CNTNAP3B: variants seen among roughly 807,000 people sequenced by gnomAD.
CNTNAP3B encodes the protein contactin associated protein family member 3B, also known as contactin-associated protein-like 3B.
In CNTNAP3B, 25 loss-of-function variants were observed where a neutral mutation model predicts 108.9. The observed-to-expected ratio is 0.23, with a 90% CI of 0.17 to 0.32. The LOEUF (loss-of-function observed/expected upper bound fraction) is 0.32, where lower values mean the gene tolerates loss of function less well. Ranked by LOEUF, CNTNAP3B falls within the 10% of genes least tolerant of loss-of-function variation. The probability of loss-of-function intolerance (pLI) is 1.00; values close to 1 mark genes in which losing one functional copy is unlikely to be tolerated. For synonymous variants in CNTNAP3B, 103 were observed against 473.4 expected (o/e 0.22, Z 10.16); for missense variants, 252 against 1,210.4 (o/e 0.21, Z 11.75).
chr9:41,958,652 A>T lies in CNTNAP3B; in HGVS notation c.1876+2121T>A, dbSNP rs530412643. 1.2e-4 allele frequency among the ~76,000 whole-genome samples: 18 copies of T among 152,016 alleles called. No homozygotes were observed. The South Asian group carries it at 3.1e-3, about 26-fold the overall frequency. On this transcript the variant is annotated intron_variant, in intron 12 of 23. Coordinates refer to ENST00000377561, the MANE Select transcript of CNTNAP3B (RefSeq NM_001201380.3). ...CATCACCACCCTTACATGGGACAGG[A>T]TGGCCAGAGGTGGGTAATTTCCTTC...
chr9:42,044,651 T>C (rs1337837413), intron 3 of CNTNAP3B, among the ~76,000 whole-genome samples: 2 of 146,250 alleles, frequency 1.4e-5, no homozygotes, highest in African/African-American at 5.2e-5. Flanking sequence ...GAAATTCAGA[T>C]CGGTGAATGG....
intron 14 of CNTNAP3B, among the ~76,000 whole-genome samples, chr9:41,934,198 T>TATATACAC (rs1418666527): frequency 2.6e-5 from 3 of 116,674 alleles, no homozygotes; most frequent in Admixed American, 9.3e-5. Flanking sequence ...CATATATATA[T>TATATACAC]ACATACACAC....
chr9:41,968,011 C>T (rs1360811450), intron 10 of CNTNAP3B, among the ~76,000 whole-genome samples: 1 of 152,218 alleles, frequency 6.6e-6, no homozygotes, highest in Non-Finnish European at 1.5e-5. Context: ...AAGTTAGGCA[C>T]CAATGTAACT....
At chr9:41,916,369 A>G (rs1823517227) in intron 18 of CNTNAP3B, among the ~76,000 whole-genome samples, 1 of 148,418 alleles carries the variant, frequency 6.7e-6, no homozygotes, top group African/African-American at 2.5e-5. Context: ...GGTAAGAAAT[A>G]TGACATTATA....
intron 13 of CNTNAP3B, among the ~76,000 whole-genome samples, chr9:41,940,571 G>A (rs1352688837): frequency 6.6e-6 from 1 of 152,282 alleles, no homozygotes; most frequent in Non-Finnish European, 1.5e-5. Flanking sequence ...TGTAATCCCA[G>A]CACTTTCGGA....
chr9:42,120,147 C>T (rs1475390921), intron 1 of CNTNAP3B, among the ~76,000 whole-genome samples: 3 of 148,794 alleles, frequency 2.0e-5, no homozygotes, highest in Admixed American at 6.7e-5. Context: ...ACAACAATCC[C>T]ATCAAAAAGT....
At chr9:41,931,946 A>T (rs1189686509) in intron 14 of CNTNAP3B, among the ~76,000 whole-genome samples, 1 of 152,068 alleles carries the variant, frequency 6.6e-6, no homozygotes. Context: ...GTGTAAATGA[A>T]ATCCACATTT....
In CNTNAP3B at chr9:42,109,883, A is replaced by G. The variant is rs186469227; in HGVS notation, c.86-5144T>C. The stretch of plus-strand genomic sequence containing the variant: ...TGCCCTTGTAAGAGAGATAAAGGTG[A>G]TGATGAACAGAGCCCCATACAAAAG... On this transcript the variant is annotated intron_variant, in intron 1 of 23. Transcript: ENST00000377561. Among the ~76,000 whole-genome samples the G allele has an allele frequency of 7.8e-3, 1,073 of 136,762 alleles. 9 individuals are homozygous for G. Among genetic ancestry groups the G allele is most frequent in the Non-Finnish European group, 0.013 (824 of 64,198 alleles). The allele number at this position is 136,762 out of a possible 152,430, so 89.7% of individuals were successfully genotyped here. A position where few individuals can be genotyped will look rare whatever the true frequency, so the allele number is the denominator to read the frequency against.
At chr9:42,018,752 A>C (rs1404009191) in intron 3 of CNTNAP3B, among the ~76,000 whole-genome samples, 1 of 151,738 alleles carries the variant, frequency 6.6e-6, no homozygotes, top group Non-Finnish European at 1.5e-5. Context: ...GCGAAGCTGG[A>C]GAGACCTGGG....
At chr9:41,961,742 C>T (rs1208030398) in intron 11 of CNTNAP3B, among the ~76,000 whole-genome samples, 3 of 152,298 alleles carry the variant, frequency 2.0e-5, no homozygotes, top group African/African-American at 7.2e-5. Context: ...TTCAAGACAG[C>T]TGAAATTCAA....
rs935398817 is a variant in CNTNAP3B at position 42,113,076 on chromosome 9, T to A, written c.86-8337A>T. On this transcript the variant is annotated intron_variant, in intron 1 of 23. Transcript: ENST00000377561. ...GGTCAAGTTTACATAAATTTAAGCA[T>A]CTTAGTTTGACGATCTACTCTACAG... Among the ~76,000 whole-genome samples the A allele has an allele frequency of 2.2e-5, 3 of 135,648 alleles. 1 individual carries two copies. The highest frequency in any genetic ancestry group is 8.9e-5 in the African/African-American group (3 of 33,770). The allele number at this position is 135,648 out of a possible 152,430, so 89.0% of individuals were successfully genotyped here. A position where few individuals can be genotyped will look rare whatever the true frequency, so the allele number is the denominator to read the frequency against.
At chr9:41,940,547 C>T (rs1207272575) in intron 13 of CNTNAP3B, among the ~76,000 whole-genome samples, 3 of 152,184 alleles carry the variant, frequency 2.0e-5, no homozygotes, top group African/African-American at 4.8e-5. Flanking sequence ...AGGCCGGGTG[C>T]GGTGGCTCAC....
intron 14 of CNTNAP3B, among the ~76,000 whole-genome samples, chr9:41,935,441 T>A (rs1452817674): frequency 6.6e-6 from 1 of 152,298 alleles, no homozygotes; most frequent in African/African-American, 2.4e-5. Flanking sequence ...TAAGCACACC[T>A]CAGTAATAGA....
chr9:42,124,157 T>C, intron 1 of CNTNAP3B, among the ~76,000 whole-genome samples: 1 of 138,026 alleles, frequency 7.2e-6, no homozygotes, highest in Non-Finnish European at 1.5e-5. Flanking sequence ...AAAACTATTT[T>C]AAAATCTCAA....
intron 10 of CNTNAP3B, among the ~76,000 whole-genome samples, chr9:41,968,912 T>A (rs1221950948): frequency 9.9e-5 from 15 of 152,194 alleles, no homozygotes; most frequent in African/African-American, 3.1e-4. Context: ...TTCTCCTGCC[T>A]CAGCCTGCCG....
intron 1 of CNTNAP3B, among the ~76,000 whole-genome samples, chr9:42,110,494 CTG>C (rs1213550854): frequency 7.6e-6 from 1 of 131,354 alleles, no homozygotes; most frequent in Non-Finnish European, 1.6e-5. Context: ...CAGATGGTTA[CTG>C]TGTTATCACA....
intron 3 of CNTNAP3B, among the ~76,000 whole-genome samples, chr9:42,075,227 C>T (rs1342918717): frequency 2.7e-4 from 40 of 146,658 alleles, no homozygotes; most frequent in Non-Finnish European, 5.2e-4. Flanking sequence ...CTCCTGACTA[C>T]ATTTTAACTT....
intron 17 of CNTNAP3B, among the ~76,000 whole-genome samples, chr9:41,920,784 TTGGA>T (rs1823645724): frequency 6.6e-6 from 1 of 152,310 alleles, no homozygotes; most frequent in South Asian, 2.1e-4. Context: ...AATTTCTTAC[TTGGA>T]TGGACTCTAA....
chr9:41,939,239 C>G (rs1489307932), intron 13 of CNTNAP3B, among the ~76,000 whole-genome samples: 1 of 152,274 alleles, frequency 6.6e-6, no homozygotes, highest in Admixed American at 6.5e-5. Context: ...GGAAAGGGGT[C>G]AGAGGCCACA....
Sources: gnomAD v4.1 joint callset for allele counts (sites outside exome capture counted in the v4.1 genomes callset) on GRCh38, gnomAD v4.1.1 for gene constraint, MANE v1.5 for transcripts, NCBI Gene and HGNC (gene_info 2026-07-23, HGNC 2026-07-21) for gene names.